Variants in UGT3A1 observed in about 807,000 individuals in gnomAD.
UGT3A1 encodes the protein UDP glycosyltransferase family 3 member A1.
Under a neutral mutation model 37.6 loss-of-function variants are expected in UGT3A1, and 40 were observed. The ratio of observed to expected loss-of-function variants is 1.06; its 90% CI spans 0.83 to 1.38. UGT3A1 has a LOEUF of 1.38. UGT3A1 is among the 40% of genes most tolerant of loss of function. The pLI, the probability that UGT3A1 is intolerant of heterozygous loss-of-function variation, is 0.00. For missense variants in UGT3A1, 642 were observed against 634.2 expected (o/e 1.01, Z -0.13); for synonymous variants, 256 against 232.3 (o/e 1.10, Z -0.93).
chr5:35,995,894 A>G (rs952208412), upstream of UGT3A1, among the ~76,000 whole-genome samples: 8 of 152,182 alleles, frequency 5.3e-5, no homozygotes, highest in Non-Finnish European at 1.2e-4. Context: ...AATACATTAT[A>G]AAATGCAAAT....
chr5:35,955,814 T>A lies in UGT3A1; in HGVS notation c.1126A>T (p.Met376Leu). 6.2e-7 allele frequency: 1 copy of A among 1,614,206 alleles called. No individual in the cohort carries two copies. The highest frequency in any genetic ancestry group is 1.1e-5 in the South Asian group (1 of 91,076). The change falls in exon 6 of 7, where the codon ATG becomes TTG. Residue 376 changes from methionine to leucine, a missense_variant. Physicochemically the swap from Met to Leu is conservative, Grantham distance 15 (BLOSUM62 2). Transcript: ENST00000274278. ...GGCACACCATGACGGATGGCCTCCA[T>A]TACGCTGTTCTGCCCACCATGAGTG... ...FVTHGGQNSV[M>L]EAIRHGVPMV...
intron 4 of UGT3A1, among the ~76,000 whole-genome samples, chr5:35,960,161 C>T (rs1172452279): frequency 6.6e-6 from 1 of 152,148 alleles, no homozygotes; most frequent in African/African-American, 2.4e-5. Flanking sequence ...ATCCCAATAA[C>T]TTCTTTTGCA....
chr5:35,976,812 C>G, intron 2 of UGT3A1, among the ~76,000 whole-genome samples: 1 of 125,352 alleles, frequency 8.0e-6, no homozygotes, highest in Non-Finnish European at 1.6e-5. Flanking sequence ...CTAGCCTGGG[C>G]AACAGAACAA....
chr5:35,969,728 A>G (rs1180699347), intron 2 of UGT3A1, among the ~76,000 whole-genome samples: 2 of 152,212 alleles, frequency 1.3e-5, no homozygotes, highest in Non-Finnish European at 2.9e-5. Flanking sequence ...ACCCCTGCGA[A>G]CCGTAATAAC....
rs142229546 is a variant in UGT3A1, at chr5:35,977,705, T to C, written c.197-9572A>G. On this transcript the variant is annotated intron_variant, in intron 2 of 6. Transcript: ENST00000274278. The stretch of plus-strand genomic sequence containing the variant: ...GAGTCAAATAAACCTCTTTTCTTTA[T>C]AAATTATGCTGCCTCAGGCAATAGA... Among the ~76,000 whole-genome samples, 1,285 of 152,352 alleles carry C rather than the reference T, an allele frequency of 8.4e-3. 17 individuals carry two copies. Among genetic ancestry groups the C allele is most frequent in the African/African-American group, 0.029 (1,197 of 41,572 alleles).
At chr5:35,997,146 T>TG (rs566244694) in intron 2 of UGT3A1, 206 of 151,814 alleles carry the variant, frequency 1.4e-3, no homozygotes, top group African/African-American at 4.6e-3. Flanking sequence ...GAAGATGGAG[T>TG]CTTGTGCAGG....
intron 4 of UGT3A1, among the ~76,000 whole-genome samples, chr5:35,964,039 T>C (rs1739696723): frequency 6.6e-6 from 1 of 152,210 alleles, no homozygotes; most frequent in Non-Finnish European, 1.5e-5. Flanking sequence ...GTAACGATAG[T>C]TAGTTGCACA....
intron 3 of UGT3A1, among the ~76,000 whole-genome samples, chr5:35,966,743 C>T (rs1392052793): frequency 1.3e-5 from 2 of 152,132 alleles, no homozygotes; most frequent in African/African-American, 4.8e-5. Flanking sequence ...AGACCACAGA[C>T]CTCCTAATCA....
rs143085376 is a variant in UGT3A1 at position 35,955,866 on chromosome 5, T to G, written c.1076-2A>C. On this transcript the variant is annotated splice_acceptor_variant, in intron 5 of 6. Coordinates refer to ENST00000274278, the MANE Select transcript of UGT3A1 (RefSeq NM_152404.4). LOFTEE classifies it high-confidence loss of function. ...CAAAAAGACGGATGCTGGGGTGAGC[T>G]GTGGCAAATAAGAAAGAGAGTGGAA... 2.7e-4 allele frequency: 442 copies of G among 1,613,422 alleles called. 2 individuals carry two copies. In the African/African-American group the frequency reaches 5.0e-3, roughly 18 times the overall value.
chr5:35,991,311 G>T lies in UGT3A1; in HGVS notation c.-71C>A. On this transcript the variant is annotated 5_prime_UTR_variant, in exon 1 of 7. Coordinates refer to ENST00000274278, the MANE Select transcript of UGT3A1 (RefSeq NM_152404.4). The stretch of plus-strand genomic sequence containing the variant: ...CTGCGCCGGGCTAAGGACTCTGTGC[G>T]CGCCTCAGTACTCCAAAGGCACTGG... 1 of 1,601,522 alleles carries T rather than the reference G, an allele frequency of 6.2e-7. No individual in the cohort carries two copies. Among genetic ancestry groups the T allele is most frequent in the Non-Finnish European group, 8.5e-7 (1 of 1,173,658 alleles).
At position 35,989,176 on chromosome 5, in the gene UGT3A1, T is replaced by C. The variant is rs77598530; in HGVS notation, c.95-625A>G. 9.8e-5 allele frequency among the ~76,000 whole-genome samples: 15 copies of C among 152,340 alleles called. No individual in the cohort carries two copies. The East Asian group carries it at 2.9e-3, about 29-fold the overall frequency. ...TCAATTTGGGCCAATGTACAACTTATAATTAAGATATTTGAGGACAACTGT... is the reference window on the plus strand; with the variant it reads ...TCAATTTGGGCCAATGTACAACTTACAATTAAGATATTTGAGGACAACTGT... On this transcript the variant is annotated intron_variant, in intron 1 of 6. Transcript: ENST00000274278.
chr5:35,985,188 C>T (rs566457748), intron 2 of UGT3A1, among the ~76,000 whole-genome samples: 1 of 148,048 alleles, frequency 6.8e-6, no homozygotes, highest in African/African-American at 2.5e-5. Context: ...AACTATAAAA[C>T]TCCACTGAAA....
At chr5:35,998,689 AGAG>A (rs1741150162) in intron 1 of UGT3A1, among the ~76,000 whole-genome samples, 1 of 152,212 alleles carries the variant, frequency 6.6e-6, no homozygotes, top group Non-Finnish European at 1.5e-5. Context: ...ATCTTATTTA[AGAG>A]GAGAGGATGG....
rs1388598678 is a variant in UGT3A1, at chr5:35,952,601, G to C, written c.*1601C>G. The C allele has an allele frequency of 6.6e-6, 1 of 152,174 alleles. No individual in the cohort carries two copies. The highest frequency in any genetic ancestry group is 1.5e-5 in the Non-Finnish European group (1 of 68,074). The allele number at this position is 152,174 out of a possible 1,614,324, so 9.4% of individuals were successfully genotyped here. On this transcript the variant is annotated 3_prime_UTR_variant, in exon 7 of 7. Coordinates refer to ENST00000274278, the MANE Select transcript of UGT3A1 (RefSeq NM_152404.4). ...TGAGGGGGGAGTTACTGGCCAGGGAGGCTTATCCCTAAGACCTTATGTTGC... is the reference window on the plus strand; with the variant it reads ...TGAGGGGGGAGTTACTGGCCAGGGACGCTTATCCCTAAGACCTTATGTTGC...
intron 2 of UGT3A1, among the ~76,000 whole-genome samples, chr5:35,974,253 A>T (rs1022792433): frequency 1.3e-5 from 2 of 152,204 alleles, no homozygotes; most frequent in Middle Eastern, 3.2e-3. Context: ...CCTTGAAATT[A>T]GACCCTAATT....
chr5:35,961,252 G>A (rs1276985536), intron 4 of UGT3A1: 1 of 152,222 alleles, frequency 6.6e-6, no homozygotes, highest in Non-Finnish European at 1.5e-5. Context: ...AATTTCTGCT[G>A]ACAGGTGGCA....
At chr5:35,979,893 C>T (rs973691562) in intron 2 of UGT3A1, among the ~76,000 whole-genome samples, 1 of 152,214 alleles carries the variant, frequency 6.6e-6, no homozygotes, top group South Asian at 2.1e-4. Context: ...TCACAGCAGG[C>T]AAGAGAGAGA....
intron 2 of UGT3A1, among the ~76,000 whole-genome samples, chr5:35,986,048 A>T (rs1434692564): frequency 6.6e-6 from 1 of 152,182 alleles, no homozygotes; most frequent in Non-Finnish European, 1.5e-5. Flanking sequence ...ATCTGAATAG[A>T]CATTTCTCAA....
chr5:35,995,156 C>T (rs188544182), upstream of UGT3A1, among the ~76,000 whole-genome samples: 6 of 152,236 alleles, frequency 3.9e-5, no homozygotes, highest in Admixed American at 2.0e-4. Flanking sequence ...TTGGCATCTC[C>T]CCTACCTCCA....
Sources: allele counts gnomAD v4.1 joint callset (sites outside exome capture counted in the v4.1 genomes callset), GRCh38; gene constraint gnomAD v4.1.1; transcripts MANE v1.5; gene names NCBI Gene and HGNC (gene_info 2026-07-23, HGNC 2026-07-21).